Variants in BCHE observed in about 807,000 individuals in gnomAD.
BCHE encodes cholinesterase.
In BCHE, 48 loss-of-function variants were observed where a neutral mutation model predicts 51.3. The observed-to-expected ratio is 0.94, with a 90% confidence interval of 0.74 to 1.19. BCHE has a LOEUF of 1.19. BCHE is among the 50% of genes most tolerant of loss of function. BCHE has a pLI of 0.00. For missense variants in BCHE, 847 were observed against 708.2 expected, an observed-to-expected ratio of 1.20 and a Z score of -2.23; for synonymous variants, 251 against 238.0, an observed-to-expected ratio of 1.05 and a Z score of -0.50.
intron 1 of BCHE, among the ~76,000 whole-genome samples, chr3:165,835,571 G>A (rs1217064040): frequency 2.0e-5 from 3 of 151,774 alleles, no homozygotes; most frequent in Non-Finnish European, 4.4e-5. Context: ...TGAAGAAATT[G>A]GAACAACGAC....
chr3:165,787,594 G>A (rs1204074481), intron 2 of BCHE, among the ~76,000 whole-genome samples: 1 of 151,924 alleles, frequency 6.6e-6, no homozygotes, highest in Non-Finnish European at 1.5e-5. Flanking sequence ...AGAAAGGAAA[G>A]TCGGGAAAGC....
At chr3:165,835,032 T>G (rs947398078) in intron 1 of BCHE, among the ~76,000 whole-genome samples, 2 of 151,930 alleles carry the variant, frequency 1.3e-5, no homozygotes, top group Non-Finnish European at 2.9e-5. Flanking sequence ...ACAGGAGTTT[T>G]TGTTTGGAAT....
intron 2 of BCHE, among the ~76,000 whole-genome samples, chr3:165,808,401 C>T (rs1239802014): frequency 6.6e-6 from 1 of 151,586 alleles, no homozygotes; most frequent in Admixed American, 6.6e-5. Flanking sequence ...CAAATACATA[C>T]CTAATTTTTG....
intron 2 of BCHE, among the ~76,000 whole-genome samples, chr3:165,809,084 A>G (rs1272448510): frequency 6.6e-6 from 1 of 152,202 alleles, no homozygotes; most frequent in Non-Finnish European, 1.5e-5. Context: ...TTTAAAAAGT[A>G]AATGATCCAT....
chr3:165,804,891 C>G (rs925140016), intron 2 of BCHE, among the ~76,000 whole-genome samples: 5 of 152,032 alleles, frequency 3.3e-5, no homozygotes, highest in East Asian at 1.9e-4. Context: ...TAAACATAAA[C>G]AAGGTTGTGA....
intron 2 of BCHE, among the ~76,000 whole-genome samples, chr3:165,815,700 A>C (rs1309343456): frequency 6.6e-6 from 1 of 152,098 alleles, no homozygotes; most frequent in Non-Finnish European, 1.5e-5. Flanking sequence ...TATTCTTTAC[A>C]TATTACATAA....
In BCHE at chr3:165,786,208, T is replaced by A; in HGVS notation, c.1621A>T (p.Lys541Ter). ...LNTESTRIMT[K>*]LRAQQCRFWT... The stretch of plus-strand genomic sequence containing the variant: ...AATCGACATTGTTGAGCACGTAGTT[T>A]CGTCATTATTCTTGTTGACTCTGTA... The change falls in exon 3 of 4, where the codon AAA (lysine) becomes TAA (stop). Residue 541 changes from lysine (K) to a stop codon, truncating the protein, a stop_gained. Coordinates refer to ENST00000264381, the MANE Select transcript of BCHE (RefSeq NM_000055.4). LOFTEE classifies it high-confidence loss of function. The A allele has an allele frequency of 1.2e-6, 2 of 1,612,406 alleles. No individual in the cohort carries two copies. The highest frequency in any genetic ancestry group is 2.2e-5 in the South Asian group (2 of 91,030).
intron 3 of BCHE, among the ~76,000 whole-genome samples, chr3:165,784,880 A>G (rs1335291419): frequency 1.3e-5 from 2 of 151,794 alleles, no homozygotes; most frequent in Non-Finnish European, 2.9e-5. Context: ...GATAAATGAT[A>G]GTATCTCTTT....
At position 165,786,231 on chromosome 3, in the gene BCHE, G is replaced by A. The variant is rs2108202480; in HGVS notation, c.1598C>T (p.Thr533Ile). The stretch of plus-strand genomic sequence containing the variant: ...TTTCGTCATTATTCTTGTTGACTCT[G>A]TATTCAAGGTTAGATATTTTTGTTC... ...STEQKYLTLN[T>I]ESTRIMTKLR... Residue 533 changes from threonine to isoleucine, a missense_variant, in exon 3 of 4, where the codon ACA becomes ATA. Thr to Ile is a moderately conservative substitution (Grantham distance 89). Coordinates refer to ENST00000264381, the MANE Select transcript of BCHE (RefSeq NM_000055.4). 6.2e-7 allele frequency: 1 copy of A among 1,612,068 alleles called. No individual in the cohort carries two copies. The highest frequency in any genetic ancestry group is 2.2e-5 in the East Asian group (1 of 44,736).
chr3:165,828,025 G>A (rs1409849179), intron 2 of BCHE: 5 of 455,734 alleles, frequency 1.1e-5, no homozygotes, highest in Admixed American at 2.4e-5. Flanking sequence ...CAAAACCACA[G>A]GTTCTGTTTC....
intron 2 of BCHE, among the ~76,000 whole-genome samples, chr3:165,823,443 A>C (rs933878945): frequency 5.9e-5 from 9 of 152,052 alleles, no homozygotes; most frequent in African/African-American, 1.7e-4. Context: ...AGAACAAACA[A>C]GGCAATGAAT....
intron 3 of BCHE, among the ~76,000 whole-genome samples, chr3:165,773,939 C>T (rs796380679): frequency 7.9e-5 from 12 of 152,060 alleles, no homozygotes; most frequent in African/African-American, 2.7e-4. Context: ...TTATATATGA[C>T]TACAGTCATC....
intron 2 of BCHE, among the ~76,000 whole-genome samples, chr3:165,819,037 T>A (rs1375982208): frequency 2.0e-5 from 3 of 151,664 alleles, no homozygotes; most frequent in Non-Finnish European, 4.4e-5. Context: ...AACAAAAAAA[T>A]TAATTCTTAA....
In BCHE at chr3:165,786,329, G is replaced by C. The variant is rs745686193; in HGVS notation, c.1518-18C>G. On this transcript the variant is annotated intron_variant, in intron 2 of 3. Transcript: ENST00000264381. ...TTGGATTCCTAAATAATAAAATAGA[G>C]ACATTATAGTAAAATTGAAATCATT... 6 of 1,589,876 alleles carry C rather than the reference G, an allele frequency of 3.8e-6. No individual in the cohort carries two copies. In the Admixed American group the frequency reaches 8.4e-5, roughly 22 times the overall value.
intron 3 of BCHE, chr3:165,778,324 C>T (rs1004901661): frequency 1.3e-5 from 2 of 153,776 alleles, no homozygotes; most frequent in African/African-American, 4.8e-5. Context: ...AAGACCCTAC[C>T]TCAGAAATGA....
intron 2 of BCHE, among the ~76,000 whole-genome samples, chr3:165,825,209 G>A (rs551138448): frequency 2.0e-5 from 3 of 152,120 alleles, no homozygotes; most frequent in Admixed American, 2.0e-4. Context: ...TGATTTTCAA[G>A]AAAGTAGCCT....
intron 2 of BCHE, among the ~76,000 whole-genome samples, chr3:165,812,959 A>AG (rs1714158786): frequency 6.6e-6 from 1 of 151,846 alleles, no homozygotes; most frequent in Non-Finnish European, 1.5e-5. Context: ...GCTACTATAA[A>AG]TGTTCAATAT....
chr3:165,777,531 A>G (rs1712517367), intron 3 of BCHE, among the ~76,000 whole-genome samples: 1 of 152,210 alleles, frequency 6.6e-6, no homozygotes, highest in Admixed American at 6.5e-5. Flanking sequence ...AATACTTAAG[A>G]TAGTTTGTGA....
At chr3:165,831,826 T>C (rs1560024203) in intron 1 of BCHE, among the ~76,000 whole-genome samples, 1 of 152,194 alleles carries the variant, frequency 6.6e-6, no homozygotes, top group Non-Finnish European at 1.5e-5. Context: ...AGATTTATAA[T>C]GTCAATAGAG....
Sources: gnomAD v4.1 joint callset for allele counts (sites outside exome capture counted in the v4.1 genomes callset) on GRCh38, gnomAD v4.1.1 for gene constraint, MANE v1.5 for transcripts, NCBI Gene and HGNC (gene_info 2026-07-23, HGNC 2026-07-21) for gene names.